KCNIP4: variants seen among roughly 807,000 people sequenced by gnomAD.
The protein encoded by KCNIP4 is potassium voltage-gated channel interacting protein 4.
KCNIP4 carries 12 observed loss-of-function variants against 34.0 expected under a neutral mutation model. That is an observed-to-expected ratio of 0.35 (90% confidence interval 0.23 to 0.57). The LOEUF is 0.57. Among genes scored for constraint, KCNIP4 ranks in the 20% least tolerant of loss-of-function variants. The pLI, the probability that KCNIP4 is intolerant of heterozygous loss-of-function variation, is 0.83. For synonymous variants in KCNIP4, 124 were observed against 102.2 expected, an observed-to-expected ratio of 1.21 and a Z score of -1.29; for missense variants, 238 against 311.7, an observed-to-expected ratio of 0.76 and a Z score of 1.78.
At chr4:21,504,758 T>A (rs1241952135) in intron 1 of KCNIP4, among the ~76,000 whole-genome samples, 1 of 152,158 alleles carries the variant, frequency 6.6e-6, no homozygotes, top group African/African-American at 2.4e-5. Context: ...CAAATTGATG[T>A]CCTTTTAAAA....
Position 20,858,592 on chromosome 4 carries a change from T to C in KCNIP4, c.164-7925A>G, listed in dbSNP as rs114397884. Among the ~76,000 whole-genome samples the C allele has an allele frequency of 8.3e-3, 1,259 of 152,196 alleles. 23 individuals are homozygous for C. Among genetic ancestry groups the C allele is most frequent in the African/African-American group, 0.029 (1,207 of 41,526 alleles). ...CATCCCTATTTTATAAATGAGAAAA[T>C]TGAGGCTTGGAGAGTCTAAGTAACT... is the stretch of plus-strand genomic sequence containing the variant. On this transcript the variant is annotated intron_variant, in intron 2 of 8. Coordinates refer to ENST00000382152, the MANE Select transcript of KCNIP4 (RefSeq NM_025221.6).
intron 1 of KCNIP4, among the ~76,000 whole-genome samples, chr4:21,646,414 C>T (rs751536697): frequency 6.6e-6 from 1 of 152,098 alleles, no homozygotes; most frequent in Non-Finnish European, 1.5e-5. Context: ...ATATTGTTGT[C>T]TTTGTTGGTA....
chr4:20,748,595 TA>T lies in KCNIP4; in HGVS notation c.429+1066del, dbSNP rs1560431214. ...ATATATATATATATATATATATATA[TA>T]TATATATATTCCATAAGTAAATATA... On this transcript the variant is annotated intron_variant, in intron 5 of 8. Transcript: ENST00000382152. 8.4e-4 allele frequency among the ~76,000 whole-genome samples: 91 copies of T among 108,320 alleles called. 1 individual carries two copies. The highest frequency in any genetic ancestry group is 5.9e-3 in the South Asian group (21 of 3,572). The allele number at this position is 108,320 out of a possible 152,430, so 71.1% of individuals were successfully genotyped here.
chr4:21,117,513 CA>C (rs1252738268), intron 1 of KCNIP4, among the ~76,000 whole-genome samples: 1 of 152,098 alleles, frequency 6.6e-6, no homozygotes, highest in Admixed American at 6.6e-5. Context: ...ATTGGCCTCT[CA>C]GAAAATAATG....
chr4:21,899,330 A>G (rs1415375648), intron 1 of KCNIP4, among the ~76,000 whole-genome samples: 1 of 152,180 alleles, frequency 6.6e-6, no homozygotes, highest in Non-Finnish European at 1.5e-5. Flanking sequence ...AGATGGTATC[A>G]CGCTGAATGG....
intron 1 of KCNIP4, among the ~76,000 whole-genome samples, chr4:21,138,032 C>T (rs1751647368): frequency 6.6e-6 from 1 of 151,828 alleles, no homozygotes; most frequent in African/African-American, 2.4e-5. Context: ...CCATCACACT[C>T]GGCTAATTTT....
intron 3 of KCNIP4, among the ~76,000 whole-genome samples, chr4:20,793,252 C>A (rs752966118): frequency 1.2e-4 from 18 of 152,026 alleles, no homozygotes; most frequent in Non-Finnish European, 2.4e-4. Flanking sequence ...AAGAAATGAA[C>A]AACAGTGATA....
At chr4:21,604,485 A>G (rs1225697333) in intron 1 of KCNIP4, among the ~76,000 whole-genome samples, 1 of 152,092 alleles carries the variant, frequency 6.6e-6, no homozygotes, top group African/African-American at 2.4e-5. Context: ...ACAGCAATAT[A>G]CAGTAATACC....
At chr4:21,326,563 T>C (rs1560292833) in intron 1 of KCNIP4, among the ~76,000 whole-genome samples, 2 of 151,656 alleles carry the variant, frequency 1.3e-5, no homozygotes, top group Non-Finnish European at 3.0e-5. Context: ...GGTCTTGTTT[T>C]TTTGTTTATT....
At chr4:21,492,274 A>G (rs1187897742) in intron 1 of KCNIP4, among the ~76,000 whole-genome samples, 2 of 152,168 alleles carry the variant, frequency 1.3e-5, no homozygotes, top group African/African-American at 4.8e-5. Context: ...GTTGGAGTGC[A>G]GTGGCATGAT....
chr4:20,730,824 A>C (rs1268651263), intron 8 of KCNIP4, among the ~76,000 whole-genome samples: 1 of 152,286 alleles, frequency 6.6e-6, no homozygotes. Flanking sequence ...TTGCATGTGA[A>C]TAGCACTTAC....
In KCNIP4 at chr4:20,733,521, A is replaced by G. The variant is rs150589862; in HGVS notation, c.538-736T>C. 2.0e-3 allele frequency among the ~76,000 whole-genome samples: 308 copies of G among 151,620 alleles called. 2 individuals are homozygous for G. The highest frequency in any genetic ancestry group is 3.4e-3 in the Non-Finnish European group (234 of 68,010). On this transcript the variant is annotated intron_variant, in intron 6 of 8. Transcript: ENST00000382152. Reference sequence around the variant, plus strand: ...ATATATTTACTTTTAAGAGTATTCAATTATAAATGATAGAGTAATTTGTAA... The same window carrying G: ...ATATATTTACTTTTAAGAGTATTCAGTTATAAATGATAGAGTAATTTGTAA...
intron 1 of KCNIP4, among the ~76,000 whole-genome samples, chr4:21,550,672 G>T (rs1195201881): frequency 6.6e-6 from 1 of 151,954 alleles, no homozygotes; most frequent in Non-Finnish European, 1.5e-5. Context: ...AAATTCCAAA[G>T]GAAAAATAAA....
chr4:21,469,564 C>CA (rs1730283210), intron 1 of KCNIP4, among the ~76,000 whole-genome samples: 1 of 152,006 alleles, frequency 6.6e-6, no homozygotes, highest in African/African-American at 2.4e-5. Context: ...ACGTTTTGTA[C>CA]AAATAACTTG....
chr4:21,271,853 G>A (rs1485517), intron 1 of KCNIP4, among the ~76,000 whole-genome samples: 39,034 of 152,136 alleles, frequency 0.26, 5,198 homozygotes, highest in South Asian at 0.35. Context: ...GAATGGGAAA[G>A]CAAATCATTA....
intron 1 of KCNIP4, among the ~76,000 whole-genome samples, chr4:21,145,997 A>C (rs1752315705): frequency 6.6e-6 from 1 of 152,212 alleles, no homozygotes; most frequent in South Asian, 2.1e-4. Context: ...ATTCATTTTG[A>C]AGTGTAGAGT....
intron 1 of KCNIP4, among the ~76,000 whole-genome samples, chr4:21,573,428 T>G (rs182633920): frequency 2.6e-5 from 4 of 152,298 alleles, no homozygotes; most frequent in African/African-American, 9.6e-5. Flanking sequence ...TTATCTTGTA[T>G]TTGTGTTCTA....
chr4:21,939,647 T>C (rs1730084946), intron 1 of KCNIP4, among the ~76,000 whole-genome samples: 1 of 152,134 alleles, frequency 6.6e-6, no homozygotes, highest in Admixed American at 6.5e-5. Context: ...ATATCATGAC[T>C]TCAGCAGAAA....
At chr4:21,333,287 G>C (rs532996293) in intron 1 of KCNIP4, among the ~76,000 whole-genome samples, 1 of 151,174 alleles carries the variant, frequency 6.6e-6, no homozygotes, top group Non-Finnish European at 1.5e-5. Context: ...TGCCTCCCTT[G>C]TAAGTCTTTT....
Sources: allele counts gnomAD v4.1 joint callset (sites outside exome capture counted in the v4.1 genomes callset), GRCh38; gene constraint gnomAD v4.1.1; transcripts MANE v1.5; gene names NCBI Gene and HGNC (gene_info 2026-07-23, HGNC 2026-07-21).